Variants in TMEM132B observed in about 807,000 individuals in gnomAD.
TMEM132B encodes transmembrane protein 132B.
Under a neutral mutation model 90.8 loss-of-function variants are expected in TMEM132B, and 18 were observed. The ratio of observed to expected loss-of-function variants is 0.20; its 90% CI spans 0.14 to 0.29. TMEM132B has a LOEUF of 0.29. Ranked by LOEUF, TMEM132B falls within the 10% of genes least tolerant of loss-of-function variation. The pLI is 1.00. For missense variants in TMEM132B, 1,096 were observed against 1,326.8 expected (o/e 0.83, Z 2.70); for synonymous variants, 504 against 523.3 (o/e 0.96, Z 0.50).
At chr12:125,400,428 T>G (rs575586312) in intron 2 of TMEM132B, among the ~76,000 whole-genome samples, 1 of 152,328 alleles carries the variant, frequency 6.6e-6, no homozygotes, top group Admixed American at 6.5e-5. Flanking sequence ...GTGGATGTGC[T>G]TTTCCAGCAC....
At chr12:125,505,371 T>G (rs547915153) in intron 3 of TMEM132B, among the ~76,000 whole-genome samples, 2 of 151,832 alleles carry the variant, frequency 1.3e-5, no homozygotes, top group Non-Finnish European at 2.9e-5. Flanking sequence ...AAAGTTGAAG[T>G]TGTAGAACTG....
chr12:125,473,296 A>AC (rs1392586362), intron 3 of TMEM132B, among the ~76,000 whole-genome samples: 1 of 151,498 alleles, frequency 6.6e-6, no homozygotes, highest in African/African-American at 2.4e-5. Flanking sequence ...CAAAAGGCCC[A>AC]CCCCCCACCA....
At chr12:125,557,750 T>C (rs1884427209) in intron 4 of TMEM132B, among the ~76,000 whole-genome samples, 1 of 151,908 alleles carries the variant, frequency 6.6e-6, no homozygotes, top group Non-Finnish European at 1.5e-5. Flanking sequence ...GACTGATTAG[T>C]GGTGTCAAGG....
intron 1 of TMEM132B, among the ~76,000 whole-genome samples, chr12:125,223,610 A>G (rs1873607390): frequency 6.6e-6 from 1 of 152,188 alleles, no homozygotes; most frequent in Admixed American, 6.5e-5. Flanking sequence ...TAATTCCAGA[A>G]CATTTTCATC....
intron 1 of TMEM132B, among the ~76,000 whole-genome samples, chr12:125,295,250 G>T (rs1424720204): frequency 2.0e-5 from 3 of 152,216 alleles, no homozygotes; most frequent in Non-Finnish European, 4.4e-5. Flanking sequence ...CCGTGGCTGG[G>T]CTGGGAGTGG....
intron 3 of TMEM132B, among the ~76,000 whole-genome samples, chr12:125,421,048 AT>A (rs925200728): frequency 4.1e-4 from 63 of 152,320 alleles, no homozygotes; most frequent in African/African-American, 1.5e-3. Context: ...CTTGGACTTC[AT>A]TGTCCCTATC....
At chr12:125,619,346 T>G (rs1593025889) in intron 5 of TMEM132B, among the ~76,000 whole-genome samples, 2 of 70,686 alleles carry the variant, frequency 2.8e-5, no homozygotes, top group East Asian at 2.6e-4. Context: ...ATTTATTTAT[T>G]TATTTATTTA....
intron 3 of TMEM132B, among the ~76,000 whole-genome samples, chr12:125,455,165 G>T (rs1488086261): frequency 6.6e-6 from 1 of 151,956 alleles, no homozygotes; most frequent in Non-Finnish European, 1.5e-5. Flanking sequence ...TTCAGGAGGG[G>T]GAACAATGGG....
chr12:125,420,219 C>T (rs770273033), intron 3 of TMEM132B, among the ~76,000 whole-genome samples: 1 of 152,244 alleles, frequency 6.6e-6, no homozygotes, highest in Non-Finnish European at 1.5e-5. Flanking sequence ...GGGCTTCCAT[C>T]CCACATTTCC....
rs1217468995 is a variant in TMEM132B at position 125,408,469 on chromosome 12, C to T, written c.960-7062C>T. Among the ~76,000 whole-genome samples, 8 of 152,124 alleles carry T rather than the reference C, an allele frequency of 5.3e-5. No individual in the cohort carries two copies. Among genetic ancestry groups the T allele is most frequent in the Admixed American group, 3.9e-4 (6 of 15,268 alleles). ...CCATGCGAGGACACAGCATGACAGC[C>T]GCATCTATAAAAAAGCAAGCTCTCA... On this transcript the variant is annotated intron_variant, in intron 2 of 8. Transcript: ENST00000682704. The surrounding 1 kb of genome is among the most constrained non-coding windows in gnomAD (Gnocchi z 5.9).
chr12:125,446,825 T>G (rs1285971558), intron 3 of TMEM132B, among the ~76,000 whole-genome samples: 1 of 152,234 alleles, frequency 6.6e-6, no homozygotes, highest in African/African-American at 2.4e-5. Context: ...GTCATTTAAC[T>G]ACTTACCATC....
chr12:125,642,936 A>AT (rs143813236), intron 5 of TMEM132B, among the ~76,000 whole-genome samples: 26 of 151,018 alleles, frequency 1.7e-4, no homozygotes, highest in Non-Finnish European at 2.2e-4. Context: ...TATTAGTGCC[A>AT]TTTTTTTTTG....
chr12:125,619,995 A>T (rs953770530), intron 5 of TMEM132B, among the ~76,000 whole-genome samples: 1 of 152,200 alleles, frequency 6.6e-6, no homozygotes, highest in Admixed American at 6.5e-5. Context: ...TTGAGTGAGT[A>T]GGAGGTGCTG....
intron 3 of TMEM132B, among the ~76,000 whole-genome samples, chr12:125,432,668 T>C (rs1484257097): frequency 1.3e-5 from 2 of 151,140 alleles, no homozygotes; most frequent in African/African-American, 4.9e-5. Flanking sequence ...GTTGGGAGCA[T>C]TTTTAGAATT....
chr12:125,427,603 G>A (rs1880357109), intron 3 of TMEM132B, among the ~76,000 whole-genome samples: 1 of 152,136 alleles, frequency 6.6e-6, no homozygotes, highest in South Asian at 2.1e-4. Context: ...CAGCACTTTG[G>A]TAGAATTTTG....
At chr12:125,376,721 G>C (rs991962823) in intron 2 of TMEM132B, among the ~76,000 whole-genome samples, 4 of 152,210 alleles carry the variant, frequency 2.6e-5, no homozygotes, top group African/African-American at 9.6e-5. Flanking sequence ...CCCTTAAAAG[G>C]GCTGAGGCCG....
intron 1 of TMEM132B, among the ~76,000 whole-genome samples, chr12:125,210,549 T>G (rs147032135): frequency 3.2e-4 from 48 of 151,410 alleles, no homozygotes; most frequent in African/African-American, 1.0e-3. Flanking sequence ...GGCAGACTCA[T>G]GTGGGTAGTG....
At chr12:125,307,992 A>AAT (rs1213135473) in intron 1 of TMEM132B, among the ~76,000 whole-genome samples, 4 of 136,802 alleles carry the variant, frequency 2.9e-5, no homozygotes, top group African/African-American at 1.1e-4. Context: ...AAGTAATATA[A>AAT]ATATATATAA....
At chr12:125,617,033 C>G (rs1886005043) in intron 5 of TMEM132B, among the ~76,000 whole-genome samples, 1 of 152,224 alleles carries the variant, frequency 6.6e-6, no homozygotes, top group Non-Finnish European at 1.5e-5. Context: ...AAATAAATTT[C>G]TGTTGTTTAA....
Sources: allele counts gnomAD v4.1 joint callset (sites outside exome capture counted in the v4.1 genomes callset), GRCh38; gene constraint gnomAD v4.1.1; non-coding constraint Gnocchi (gnomAD v3.1); transcripts MANE v1.5; gene names NCBI Gene and HGNC (gene_info 2026-07-23, HGNC 2026-07-21).